The following FSTL5 variants were observed in gnomAD, a reference collection of about 807,000 sequenced individuals.
FSTL5 encodes follistatin-related protein 5.
A neutral mutation model predicts 89.1 loss-of-function variants in FSTL5; 62 were observed. The observed-to-expected ratio is 0.70, with a 90% CI of 0.57 to 0.86. The LOEUF (loss-of-function observed/expected upper bound fraction) is 0.86, where lower values mean the gene tolerates loss of function less well. FSTL5 is among the 40% of genes least tolerant of loss of function. The pLI, the probability that FSTL5 is intolerant of heterozygous loss-of-function variation, is 0.00. For missense variants in FSTL5, 1,057 were observed against 1,001.6 expected, an observed-to-expected ratio of 1.06 and a Z score of -0.75; for synonymous variants, 383 against 346.2, an observed-to-expected ratio of 1.11 and a Z score of -1.18.
At chr4:161,621,293 CACACACACACACAA>C (rs1735113222) in intron 7 of FSTL5, among the ~76,000 whole-genome samples, 1 of 151,770 alleles carries the variant, frequency 6.6e-6, no homozygotes, top group African/African-American at 2.4e-5. Flanking sequence ...CACACACACA[CACACACACACACAA>C]ACACAAAATT....
chr4:162,157,239 A>G (rs1237438422), intron 1 of FSTL5, among the ~76,000 whole-genome samples: 2 of 152,152 alleles, frequency 1.3e-5, no homozygotes, highest in East Asian at 3.8e-4. Flanking sequence ...TAGGAAGAAC[A>G]ATGTAATTTT....
chr4:161,784,782 T>C (rs1391682117), intron 4 of FSTL5, among the ~76,000 whole-genome samples: 3 of 151,236 alleles, frequency 2.0e-5, no homozygotes, highest in African/African-American at 7.3e-5. Flanking sequence ...TAGTCCCAGC[T>C]ACTCAGGAAG....
At chr4:162,158,639 A>G (rs532753380) in intron 1 of FSTL5, among the ~76,000 whole-genome samples, 1 of 152,098 alleles carries the variant, frequency 6.6e-6, no homozygotes, top group East Asian at 1.9e-4. Context: ...TAGTTGTGTG[A>G]CCATAGGATA....
In FSTL5 at chr4:162,100,288, C is replaced by T. The variant is rs368409079; in HGVS notation, c.126+10983G>A. On this transcript the variant is annotated intron_variant, in intron 2 of 15. Transcript: ENST00000306100. The stretch of plus-strand genomic sequence containing the variant: ...GAAAACACATAGAGGAGGCCGGGTA[C>T]GGTGGCTCACGCCTGTAATCCTAGC... Among the ~76,000 whole-genome samples, 15 of 152,250 alleles carry T rather than the reference C, an allele frequency of 9.9e-5. 1 individual carries two copies. The highest frequency in any genetic ancestry group is 6.8e-3 in the Middle Eastern group (2 of 292).
At chr4:161,416,291 G>C (rs1038427871) in intron 15 of FSTL5, among the ~76,000 whole-genome samples, 1 of 152,120 alleles carries the variant, frequency 6.6e-6, no homozygotes, top group African/African-American at 2.4e-5. Flanking sequence ...ACAACTGACA[G>C]AGCCAATGAC....
intron 6 of FSTL5, among the ~76,000 whole-genome samples, chr4:161,689,881 A>T (rs1737870612): frequency 6.6e-6 from 1 of 152,176 alleles, no homozygotes; most frequent in African/African-American, 2.4e-5. Context: ...TGGATATTCC[A>T]TATAAAAGAA....
intron 7 of FSTL5, among the ~76,000 whole-genome samples, chr4:161,594,200 T>C (rs2126615116): frequency 6.6e-6 from 1 of 152,208 alleles, no homozygotes; most frequent in Admixed American, 6.5e-5. Context: ...GAAAATATCA[T>C]GGAGACCAGA....
intron 3 of FSTL5, among the ~76,000 whole-genome samples, chr4:161,990,573 T>C (rs1400731905): frequency 6.6e-6 from 1 of 152,092 alleles, no homozygotes; most frequent in Non-Finnish European, 1.5e-5. Flanking sequence ...TGCACATAAA[T>C]TACGTTACCA....
At chr4:161,608,941 T>C (rs1258595199) in intron 7 of FSTL5, among the ~76,000 whole-genome samples, 1 of 152,124 alleles carries the variant, frequency 6.6e-6, no homozygotes, top group African/African-American at 2.4e-5. Context: ...ATCTTCTATG[T>C]CCTTCTGATA....
chr4:161,495,867 T>C (rs1730051279), intron 12 of FSTL5, among the ~76,000 whole-genome samples: 1 of 152,138 alleles, frequency 6.6e-6, no homozygotes, highest in African/African-American at 2.4e-5. Context: ...AGGAAATCTG[T>C]CTTCTAAAAT....
Position 162,017,996 on chromosome 4 carries a change from T to C in FSTL5, c.160+15629A>G, listed in dbSNP as rs539979445. On this transcript the variant is annotated intron_variant, in intron 3 of 15. Coordinates refer to ENST00000306100, the MANE Select transcript of FSTL5 (RefSeq NM_020116.5). ...AACCCCTCCAGCCTGACTTTGTCTG[T>C]TCCCCTCCTTGCAAGGCAAGCAGTT... is the stretch of plus-strand genomic sequence containing the variant. Among the ~76,000 whole-genome samples, 61 of 152,246 alleles carry C rather than the reference T, an allele frequency of 4.0e-4. 1 individual carries two copies. Among genetic ancestry groups the C allele is most frequent in the Admixed American group, 1.2e-3 (18 of 15,290 alleles).
intron 8 of FSTL5, among the ~76,000 whole-genome samples, chr4:161,582,327 A>G (rs1733463833): frequency 6.6e-6 from 1 of 152,234 alleles, no homozygotes; most frequent in Middle Eastern, 3.2e-3. Context: ...AATGAAAAAT[A>G]TAAGATGAGT....
intron 15 of FSTL5, among the ~76,000 whole-genome samples, chr4:161,397,929 T>A (rs1477202549): frequency 6.6e-6 from 1 of 151,990 alleles, no homozygotes. Flanking sequence ...AATAATTAGA[T>A]GAATGTAAAT....
rs1294864475 is a variant in FSTL5, at chr4:162,073,555, C to A, written c.126+37716G>T. Among the ~76,000 whole-genome samples the A allele has an allele frequency of 2.6e-5, 4 of 151,610 alleles. No individual in the cohort carries two copies. The East Asian group carries it at 7.8e-4, about 30-fold the overall frequency. Reference sequence around the variant, plus strand: ...GTCTCAAGAAGCAGAAAATTGTAGGCTCTAAGCAGCTATATTTTGAAAATA... The same window carrying A: ...GTCTCAAGAAGCAGAAAATTGTAGGATCTAAGCAGCTATATTTTGAAAATA... On this transcript the variant is annotated intron_variant, in intron 2 of 15. Coordinates refer to ENST00000306100, the MANE Select transcript of FSTL5 (RefSeq NM_020116.5).
At chr4:161,828,190 T>C (rs1202116973) in intron 4 of FSTL5, among the ~76,000 whole-genome samples, 2 of 152,190 alleles carry the variant, frequency 1.3e-5, no homozygotes, top group African/African-American at 4.8e-5. Flanking sequence ...TCTCAGCTCC[T>C]GGTAAGGTCA....
chr4:162,145,668 C>A (rs1579062831), intron 1 of FSTL5, among the ~76,000 whole-genome samples: 1 of 152,030 alleles, frequency 6.6e-6, no homozygotes, highest in South Asian at 2.1e-4. Context: ...ATAATGCTGT[C>A]TTTTCTATTA....
intron 7 of FSTL5, among the ~76,000 whole-genome samples, chr4:161,653,626 A>G (rs900842958): frequency 2.0e-5 from 3 of 152,162 alleles, no homozygotes; most frequent in Non-Finnish European, 4.4e-5. Context: ...ATAAATATAT[A>G]TATGTTGTTT....
intron 3 of FSTL5, among the ~76,000 whole-genome samples, chr4:162,019,504 A>T (rs1019321575): frequency 6.6e-6 from 1 of 152,058 alleles, no homozygotes. Context: ...AATTTTGATT[A>T]AAAAATGTAT....
chr4:161,408,504 A>G (rs189255804), intron 15 of FSTL5, among the ~76,000 whole-genome samples: 417 of 152,320 alleles, frequency 2.7e-3, no homozygotes, highest in African/African-American at 9.9e-3. Flanking sequence ...AATGCTGGCA[A>G]TTCAAAGTCA....
Sources: gnomAD v4.1 joint callset for allele counts (sites outside exome capture counted in the v4.1 genomes callset) on GRCh38, gnomAD v4.1.1 for gene constraint, MANE v1.5 for transcripts, NCBI Gene and HGNC (gene_info 2026-07-23, HGNC 2026-07-21) for gene names.